The following ENTPD1 variants were observed in gnomAD, a reference collection of about 807,000 sequenced individuals.
ENTPD1 encodes the protein ectonucleoside triphosphate diphosphohydrolase 1.
ENTPD1 carries 33 observed loss-of-function variants against 57.0 expected under a neutral mutation model. The ratio of observed to expected loss-of-function variants is 0.58; its 90% CI spans 0.44 to 0.77. The LOEUF (loss-of-function observed/expected upper bound fraction) is 0.77, where lower values mean the gene tolerates loss of function less well. ENTPD1 is among the 30% of genes least tolerant of loss of function. The probability of loss-of-function intolerance (pLI) is 0.00; values close to 1 mark genes in which losing one functional copy is unlikely to be tolerated. For synonymous variants in ENTPD1, 202 were observed against 218.8 expected (o/e 0.92, Z 0.68); for missense variants, 501 against 603.4 (o/e 0.83, Z 1.78).
chr10:95,859,158 G>A (rs1287668037), intron 7 of ENTPD1, among the ~76,000 whole-genome samples: 1 of 152,150 alleles, frequency 6.6e-6, no homozygotes. Context: ...TAAGAATATT[G>A]AAAAATGCAA....
chr10:95,831,671 T>C (rs958806638), intron 2 of ENTPD1, among the ~76,000 whole-genome samples: 3 of 152,236 alleles, frequency 2.0e-5, no homozygotes, highest in African/African-American at 4.8e-5. Flanking sequence ...AGCCCACCCA[T>C]GCTGATGATC....
At chr10:95,847,397 G>T in intron 6 of ENTPD1, 49 bp from the exon 7 acceptor site, 1 of 1,611,780 alleles carries the variant, frequency 6.2e-7, no homozygotes, top group African/African-American at 1.3e-5. Context: ...TGTACCTTTT[G>T]TATCCAAAGC....
At chr10:95,825,947 CATTT>C (rs972903596) in intron 2 of ENTPD1, among the ~76,000 whole-genome samples, 3 of 152,162 alleles carry the variant, frequency 2.0e-5, no homozygotes, top group African/African-American at 7.2e-5. Flanking sequence ...GTTCTTCATT[CATTT>C]TTTATAAATT....
upstream of ENTPD1, among the ~76,000 whole-genome samples, chr10:95,711,541 A>G (rs2097965576): frequency 6.6e-6 from 1 of 152,132 alleles, no homozygotes; most frequent in African/African-American, 2.4e-5. Context: ...TCACACTGTC[A>G]CTCGAGCTGG....
chr10:95,822,420 C>T (rs1412937227), intron 1 of ENTPD1, among the ~76,000 whole-genome samples: 1 of 152,090 alleles, frequency 6.6e-6, no homozygotes, highest in Non-Finnish European at 1.5e-5. Flanking sequence ...CCTCAGCCTC[C>T]CGAGTAGCTG....
intron 1 of ENTPD1, among the ~76,000 whole-genome samples, chr10:95,738,611 A>G (rs1164876095): frequency 6.6e-6 from 1 of 152,190 alleles, no homozygotes; most frequent in Non-Finnish European, 1.5e-5. Context: ...GAGAAGACCT[A>G]TTCCTTCTCA....
At chr10:95,800,200 G>A (rs186193860) in intron 1 of ENTPD1, among the ~76,000 whole-genome samples, 1 of 152,246 alleles carries the variant, frequency 6.6e-6, no homozygotes, top group Non-Finnish European at 1.5e-5. Context: ...AAGAGAAAGA[G>A]TACAAAGAGA....
chr10:95,756,249 A>G lies in ENTPD1; in HGVS notation c.10A>G (p.Thr4Ala), dbSNP rs371429053. 1.9e-6 allele frequency: 3 copies of G among 1,594,376 alleles called. No homozygotes were observed. Among genetic ancestry groups the G allele is most frequent in the Non-Finnish European group, 2.6e-6 (3 of 1,169,474 alleles). MED[T>A]KESNVKTFCS... ...ACAAAAGCTGCTACTTATGGAAGATACAAAGGGTAAGACCAAAATTGATTT... is the reference window on the plus strand; with the variant it reads ...ACAAAAGCTGCTACTTATGGAAGATGCAAAGGGTAAGACCAAAATTGATTT... The change falls in exon 1 of 10, where the codon ACA (threonine) becomes GCA (alanine). Residue 4 changes from threonine (T) to alanine (A), a missense_variant. Transcript: ENST00000371205.
intron 1 of ENTPD1, among the ~76,000 whole-genome samples, chr10:95,729,377 T>G (rs1156713607): frequency 1.3e-5 from 2 of 152,218 alleles, no homozygotes; most frequent in Non-Finnish European, 2.9e-5. Context: ...AAAAACTGTT[T>G]CCTGGAGTAG....
chr10:95,745,912 A>C (rs1392227093), intron 1 of ENTPD1, among the ~76,000 whole-genome samples: 5 of 152,304 alleles, frequency 3.3e-5, no homozygotes, highest in African/African-American at 1.2e-4. Flanking sequence ...CAGTTAGGGC[A>C]TTCCTCCCTG....
chr10:95,802,076 A>G (rs894113466), intron 1 of ENTPD1, among the ~76,000 whole-genome samples: 1 of 152,198 alleles, frequency 6.6e-6, no homozygotes, highest in Middle Eastern at 3.2e-3. Flanking sequence ...ACATGTGCCC[A>G]AGGTGATCGG....
intron 1 of ENTPD1, among the ~76,000 whole-genome samples, chr10:95,783,341 C>G (rs2098165202): frequency 6.6e-6 from 1 of 152,010 alleles, no homozygotes; most frequent in Non-Finnish European, 1.5e-5. Flanking sequence ...GAAAGCAAAT[C>G]TTTTTCATTA....
chr10:95,838,259 A>T (rs2098415278), intron 2 of ENTPD1, among the ~76,000 whole-genome samples: 1 of 152,210 alleles, frequency 6.6e-6, no homozygotes, highest in South Asian at 2.1e-4. Context: ...ATAACCAAAG[A>T]TGACTATCAG....
At chr10:95,822,756 T>G (rs935356619) in intron 1 of ENTPD1, among the ~76,000 whole-genome samples, 29 of 152,208 alleles carry the variant, frequency 1.9e-4, no homozygotes, top group Non-Finnish European at 3.8e-4. Context: ...GTAAGGGTGG[T>G]TTAAATGCAA....
intron 1 of ENTPD1, among the ~76,000 whole-genome samples, chr10:95,732,625 C>A (rs946974099): frequency 6.6e-6 from 1 of 152,120 alleles, no homozygotes; most frequent in African/African-American, 2.4e-5. Context: ...GAACCCGCCC[C>A]CAATAATTCA....
intron 2 of ENTPD1, among the ~76,000 whole-genome samples, chr10:95,827,714 C>T (rs894606250): frequency 6.6e-6 from 1 of 152,232 alleles, no homozygotes; most frequent in Non-Finnish European, 1.5e-5. Flanking sequence ...CATCTCTTGA[C>T]CTCATGATCT....
At chr10:95,705,552 C>T in the ENTPD1 span, among the ~76,000 whole-genome samples, 2 of 152,100 alleles carry the variant, frequency 1.3e-5, no homozygotes, top group African/African-American at 2.4e-5. Context: ...AGTGCAATGG[C>T]GTGAACTCGG....
Position 95,747,029 on chromosome 10 carries a change from G to A in ENTPD1, c.37+35036G>A, listed in dbSNP as rs145556477. 6.5e-3 allele frequency among the ~76,000 whole-genome samples: 984 copies of A among 152,246 alleles called. 10 individuals carry two copies. Among genetic ancestry groups the A allele is most frequent in the African/African-American group, 0.023 (943 of 41,532 alleles). On this transcript the variant is annotated intron_variant, in intron 1 of 9. Coordinates refer to the ENTPD1 transcript ENST00000453258. ...GGTTTGTAGGGATCATAAAAAAGAT[G>A]GGGCATGGATCTATTGCTGGTAGGA...
At chr10:95,855,516 A>T (rs7920372) in intron 7 of ENTPD1, among the ~76,000 whole-genome samples, 23,292 of 151,822 alleles carry the variant, frequency 0.15, 2,222 homozygotes, top group African/African-American at 0.26. Context: ...TAGTTGATGC[A>T]GTTTCTTCCT....
Sources: allele counts gnomAD v4.1 joint callset (sites outside exome capture counted in the v4.1 genomes callset), GRCh38; gene constraint gnomAD v4.1.1; transcripts MANE v1.5; gene names NCBI Gene and HGNC (gene_info 2026-07-23, HGNC 2026-07-21).